Variants in ZMIZ1 observed in about 807,000 individuals in gnomAD.
ZMIZ1 encodes the protein zinc finger MIZ-type containing 1.
In ZMIZ1, 17 loss-of-function variants were observed where a neutral mutation model predicts 113.9. That is an observed-to-expected ratio of 0.15 (90% CI 0.10 to 0.22). The LOEUF (loss-of-function observed/expected upper bound fraction) is 0.22, where lower values mean the gene tolerates loss of function less well. Ranked by LOEUF, ZMIZ1 falls within the 10% of genes least tolerant of loss-of-function variation. The pLI, the probability that ZMIZ1 is intolerant of heterozygous loss-of-function variation, is 1.00. For synonymous variants in ZMIZ1, 607 were observed against 603.1 expected (o/e 1.01, Z -0.09); for missense variants, 1,059 against 1,477.8 (o/e 0.72, Z 4.65).
chr10:79,264,357 C>G (rs1005141258), intron 7 of ZMIZ1, among the ~76,000 whole-genome samples: 1 of 152,202 alleles, frequency 6.6e-6, no homozygotes, highest in Non-Finnish European at 1.5e-5. Flanking sequence ...TCTTGGGTAC[C>G]TCTTGGCCTC....
At chr10:79,075,413 T>C (rs1842433582) in intron 1 of ZMIZ1, among the ~76,000 whole-genome samples, 1 of 152,212 alleles carries the variant, frequency 6.6e-6, no homozygotes, top group Admixed American at 6.5e-5. Context: ...GTCTGGAATT[T>C]CCAGGGACTA....
rs1842182298 is a variant in ZMIZ1, at chr10:79,069,619, C to G, written c.-337+349C>G. ...GCCCTCGCTCCCTACACCCGGGGGCCGGGCAGGACCGGGAATCGGAGGAGG... is the reference window on the plus strand; with the variant it reads ...GCCCTCGCTCCCTACACCCGGGGGCGGGGCAGGACCGGGAATCGGAGGAGG... On this transcript the variant is annotated intron_variant, in intron 1 of 24. Transcript: ENST00000334512. The surrounding 1 kb of genome is among the most constrained non-coding windows in gnomAD (Gnocchi z 4.6). Among the ~76,000 whole-genome samples, 1 of 151,842 alleles carries G rather than the reference C, an allele frequency of 6.6e-6. No homozygotes were observed. Among genetic ancestry groups the G allele is most frequent in the Admixed American group, 6.6e-5 (1 of 15,258 alleles).
intron 2 of ZMIZ1, among the ~76,000 whole-genome samples, chr10:79,138,616 C>G (rs1845121959): frequency 6.6e-6 from 1 of 152,212 alleles, no homozygotes; most frequent in South Asian, 2.1e-4. Flanking sequence ...ATCCCTTGGC[C>G]TGATACAATG....
At chr10:79,107,038 T>A (rs1444588729) in intron 1 of ZMIZ1, among the ~76,000 whole-genome samples, 1 of 152,258 alleles carries the variant, frequency 6.6e-6, no homozygotes, top group Admixed American at 6.5e-5. Context: ...TCCATTGCCT[T>A]TGCATCTGGC....
chr10:79,231,575 G>A (rs892368717), intron 7 of ZMIZ1, among the ~76,000 whole-genome samples: 16 of 150,304 alleles, frequency 1.1e-4, no homozygotes, highest in African/African-American at 2.7e-4. Flanking sequence ...TTGTTTGTTT[G>A]TTTTTTGTTT....
At chr10:79,269,674 C>T (rs538441049) in intron 7 of ZMIZ1, among the ~76,000 whole-genome samples, 28 of 152,140 alleles carry the variant, frequency 1.8e-4, no homozygotes, top group Non-Finnish European at 3.7e-4. Flanking sequence ...TCCCCCTGCA[C>T]CCCACTGCTG....
At chr10:79,215,234 G>A (rs944405626) in intron 6 of ZMIZ1, among the ~76,000 whole-genome samples, 1 of 152,182 alleles carries the variant, frequency 6.6e-6, no homozygotes. Flanking sequence ...GCCCCATCCC[G>A]GAAGCCTTAG....
At chr10:79,150,723 G>A (rs1168196519) in intron 3 of ZMIZ1, among the ~76,000 whole-genome samples, 1 of 152,158 alleles carries the variant, frequency 6.6e-6, no homozygotes, top group Non-Finnish European at 1.5e-5. Context: ...CAGGCTTGGG[G>A]GGTGATAACA....
At chr10:79,310,628 G>T (rs968044592) in intron 23 of ZMIZ1, among the ~76,000 whole-genome samples, 1 of 152,032 alleles carries the variant, frequency 6.6e-6, no homozygotes, top group East Asian at 1.9e-4. Flanking sequence ...GGGGCCTGGG[G>T]GAGCCCAGGC....
chr10:79,189,465 C>A (rs954713077), intron 4 of ZMIZ1, among the ~76,000 whole-genome samples: 1 of 152,184 alleles, frequency 6.6e-6, no homozygotes, highest in Non-Finnish European at 1.5e-5. Flanking sequence ...GTCACTAACC[C>A]AGTGAATCAG....
At chr10:79,216,364 TG>T in intron 7 of ZMIZ1, 90 bp downstream of exon 7, 1 of 1,167,394 alleles carries the variant, frequency 8.6e-7, no homozygotes, top group Non-Finnish European at 1.2e-6. Flanking sequence ...CCCTGCCTTC[TG>T]GTGCCTCCAT....
chr10:79,074,158 C>T (rs983139254), intron 1 of ZMIZ1, among the ~76,000 whole-genome samples: 2 of 152,228 alleles, frequency 1.3e-5, no homozygotes, highest in Non-Finnish European at 2.9e-5. Flanking sequence ...CCCCATTTAA[C>T]AGAGCAGAAA....
chr10:79,245,477 G>T (rs1850137155), intron 7 of ZMIZ1, among the ~76,000 whole-genome samples: 1 of 152,206 alleles, frequency 6.6e-6, no homozygotes, highest in Non-Finnish European at 1.5e-5. Flanking sequence ...ATGATGGCAC[G>T]AGTGGAAGGC....
intron 1 of ZMIZ1, among the ~76,000 whole-genome samples, chr10:79,100,944 G>A (rs1843345350): frequency 6.6e-6 from 1 of 152,204 alleles, no homozygotes; most frequent in Non-Finnish European, 1.5e-5. Context: ...GCTGGGCCAG[G>A]TGCATTTAGA....
intron 3 of ZMIZ1, among the ~76,000 whole-genome samples, chr10:79,161,292 A>G (rs1220656847): frequency 6.6e-6 from 1 of 152,054 alleles, no homozygotes; most frequent in African/African-American, 2.4e-5. Flanking sequence ...GGGGCTTCCT[A>G]AACTAGAACT....
chr10:79,223,743 A>G (rs1849088163), intron 7 of ZMIZ1, among the ~76,000 whole-genome samples: 2 of 152,212 alleles, frequency 1.3e-5, no homozygotes, highest in South Asian at 4.1e-4. Context: ...TCAGATGTGG[A>G]GTACAGGGAA....
intron 8 of ZMIZ1, among the ~76,000 whole-genome samples, chr10:79,279,555 A>G (rs1589552033): frequency 6.6e-6 from 1 of 152,130 alleles, no homozygotes; most frequent in African/African-American, 2.4e-5. Context: ...CACTTCCTAG[A>G]CAGGGTGGCG....
chr10:79,143,867 G>T (rs1026642584), intron 3 of ZMIZ1, among the ~76,000 whole-genome samples: 2 of 152,210 alleles, frequency 1.3e-5, no homozygotes, highest in Non-Finnish European at 2.9e-5. Context: ...TGCAGAGTGA[G>T]TGCGGTCTGA....
chr10:79,299,343 G>T, intron 16 of ZMIZ1, 152 bp downstream of exon 16: 1 of 1,204,730 alleles, frequency 8.3e-7, no homozygotes, highest in Non-Finnish European at 1.1e-6. Context: ...CCTGTCCTGC[G>T]GTTGTCATGG....
Sources: gnomAD v4.1 joint callset for allele counts (sites outside exome capture counted in the v4.1 genomes callset) on GRCh38, gnomAD v4.1.1 for gene constraint, Gnocchi (gnomAD v3.1) non-coding constraint, MANE v1.5 for transcripts, NCBI Gene and HGNC (gene_info 2026-07-23, HGNC 2026-07-21) for gene names.